The following FRMPD1 variants were observed in gnomAD, a reference collection of about 807,000 sequenced individuals.
FRMPD1 encodes FERM and PDZ domain-containing protein 1.
A neutral mutation model predicts 117.8 loss-of-function variants in FRMPD1; 76 were observed. The ratio of observed to expected loss-of-function variants is 0.65; its 90% CI spans 0.54 to 0.78. FRMPD1 has a LOEUF of 0.78. FRMPD1 is among the 30% of genes least tolerant of loss of function. The pLI is 0.00. For missense variants in FRMPD1, 1,786 were observed against 1,964.5 expected, an observed-to-expected ratio of 0.91 and a Z score of 1.72; for synonymous variants, 783 against 770.4, an observed-to-expected ratio of 1.02 and a Z score of -0.27.
chr9:37,736,512 C>T (rs1220041392), intron 13 of FRMPD1, among the ~76,000 whole-genome samples: 1 of 126,428 alleles, frequency 7.9e-6, no homozygotes, highest in East Asian at 2.3e-4. Context: ...AGCCTGGTGA[C>T]AAGAGCAAAA....
intron 5 of FRMPD1, among the ~76,000 whole-genome samples, chr9:37,714,615 ATTTTATTTTG>A (rs542488384): frequency 0.097 from 10,359 of 107,278 alleles, 732 homozygotes; most frequent in African/African-American, 0.24. Context: ...ATTTTATTTT[ATTTTATTTTG>A]TTTTGTTTTA....
At chr9:37,622,929 C>A in the FRMPD1 span, among the ~76,000 whole-genome samples, 338 of 150,602 alleles carry the variant, frequency 2.2e-3, 2 homozygotes, top group African/African-American at 7.7e-3. Flanking sequence ...AAAAAAAAAA[C>A]AAAGAGAGAT....
At chr9:37,615,573 T>C in the FRMPD1 span, among the ~76,000 whole-genome samples, 1 of 152,242 alleles carries the variant, frequency 6.6e-6, no homozygotes. Flanking sequence ...TATGTGTTGA[T>C]GTCCTATTTT....
At chr9:37,631,242 T>C in the FRMPD1 span, among the ~76,000 whole-genome samples, 2 of 152,136 alleles carry the variant, frequency 1.3e-5, no homozygotes, top group Admixed American at 6.5e-5. Context: ...AACTAAAAAA[T>C]AATAAAAAAG....
In FRMPD1 at chr9:37,724,206, A is replaced by C; in HGVS notation, c.517-19A>C. On this transcript the variant is annotated intron_variant, in intron 6 of 15. Coordinates refer to ENST00000377765, the MANE Select transcript of FRMPD1 (RefSeq NM_014907.3). ...AATAAAAAAAGACAGGGATACAACAATACTCTTGTGTTTTCCAGGGTAATT... is the reference window on the plus strand; with the variant it reads ...AATAAAAAAAGACAGGGATACAACACTACTCTTGTGTTTTCCAGGGTAATT... The C allele has an allele frequency of 7.5e-7, 1 of 1,333,058 alleles. No individual in the cohort carries two copies. The highest frequency in any genetic ancestry group is 1.1e-6 in the Non-Finnish European group (1 of 923,762). 82.6% of individuals were successfully genotyped at this position (1,333,058 alleles called of 1,614,324 possible). A position where few individuals can be genotyped will look rare whatever the true frequency, so the allele number is the denominator to read the frequency against.
rs1823779154 is a variant in FRMPD1, at chr9:37,729,720, C to T, written c.613-8C>T. On this transcript the variant is annotated splice_polypyrimidine_tract_variant and splice_region_variant and intron_variant, in intron 7 of 15. Coordinates refer to ENST00000377765, the MANE Select transcript of FRMPD1 (RefSeq NM_014907.3). ...TGCGTAACTCCTGCACCTCTCTGTG[C>T]CTGCTAGGACATCATCCTCACCGTG... 1 of 1,613,312 alleles carries T rather than the reference C, an allele frequency of 6.2e-7. No individual in the cohort carries two copies.
At chr9:37,622,320 G>A in the FRMPD1 span, among the ~76,000 whole-genome samples, 11 of 152,120 alleles carry the variant, frequency 7.2e-5, no homozygotes, top group African/African-American at 2.7e-4. Flanking sequence ...TTTAATAGCC[G>A]CAATGAATTA....
chr9:37,740,679 C>G lies in FRMPD1; in HGVS notation c.2151C>G (p.Ser717Arg). The G allele has an allele frequency of 6.2e-7, 1 of 1,614,186 alleles. No homozygotes were observed. The highest frequency in any genetic ancestry group is 8.5e-7 in the Non-Finnish European group (1 of 1,180,016). Residue 717 changes from serine to arginine, a missense_variant, in exon 15 of 16, where the codon AGC (serine) becomes AGG (arginine). Ser to Arg is a moderately radical substitution (Grantham distance 110). Transcript: ENST00000377765. This position sits in a 1 kb window ranked among gnomAD's most constrained non-coding sequence, Gnocchi z 4.2. ...TGTGTTCCAGTGTCTCCCCGGCCAG[C>G]TACCTGAGTGACAGTTCCGAGAGTA... is the stretch of plus-strand genomic sequence containing the variant. ...YSLCSSVSPASYLSDSSESTA... is the reference protein window; with the variant it reads ...YSLCSSVSPARYLSDSSESTA...
chr9:37,736,600 A>T (rs900433236), intron 13 of FRMPD1, among the ~76,000 whole-genome samples: 3 of 150,654 alleles, frequency 2.0e-5, no homozygotes, highest in African/African-American at 7.3e-5. Context: ...TCTTACTTTT[A>T]TTCTGCCCTC....
intron 10 of FRMPD1, 106 bp from the exon 11 acceptor site, chr9:37,733,367 C>A: frequency 9.4e-7 from 1 of 1,064,404 alleles, no homozygotes; most frequent in Non-Finnish European, 1.4e-6. Flanking sequence ...CTCGTAATTG[C>A]TGTATTATGG....
chr9:37,639,877 T>G, the FRMPD1 span, among the ~76,000 whole-genome samples: 3 of 152,290 alleles, frequency 2.0e-5, no homozygotes, highest in South Asian at 6.2e-4. Context: ...CCCAGGCTGG[T>G]CCTGGACTCC....
the FRMPD1 span, among the ~76,000 whole-genome samples, chr9:37,609,240 C>A: frequency 6.6e-6 from 1 of 152,070 alleles, no homozygotes; most frequent in Non-Finnish European, 1.5e-5. Flanking sequence ...TGCGGTGAAC[C>A]CAGATCACGC....
chr9:37,680,495 G>A (rs1347608822), intron 1 of FRMPD1, among the ~76,000 whole-genome samples: 7 of 152,170 alleles, frequency 4.6e-5, no homozygotes, highest in East Asian at 3.8e-4. Context: ...TCTGTTTTAC[G>A]CAGACCATGT....
chr9:37,710,383 A>G (rs537368020), intron 4 of FRMPD1, among the ~76,000 whole-genome samples: 1 of 152,290 alleles, frequency 6.6e-6, no homozygotes, highest in South Asian at 2.1e-4. Flanking sequence ...GGAAAATATG[A>G]TCGATTTTCT....
intron 1 of FRMPD1, among the ~76,000 whole-genome samples, chr9:37,656,695 T>G (rs1490707165): frequency 5.1e-5 from 3 of 58,274 alleles, no homozygotes; most frequent in Non-Finnish European, 8.3e-5. Flanking sequence ...AATCTGAGAC[T>G]TTTTTTTTTT....
At chr9:37,707,661 A>C (rs780731457) in intron 3 of FRMPD1, 88 bp downstream of exon 3, 2 of 1,082,280 alleles carry the variant, frequency 1.8e-6, no homozygotes, top group Non-Finnish European at 2.7e-6. Flanking sequence ...TCCTATAACA[A>C]AATGCAGAAA....
chr9:37,682,656 C>T (rs537895866), intron 1 of FRMPD1, among the ~76,000 whole-genome samples: 144 of 152,234 alleles, frequency 9.5e-4, no homozygotes, highest in Non-Finnish European at 1.5e-3. Flanking sequence ...TTGGGCCCTA[C>T]CCTAGACCTC....
rs774701697 is a variant in FRMPD1 at position 37,746,791 on chromosome 9, C to CTCCTGCCCTG, written c.*30_*39dup. Reference sequence around the variant, plus strand: ...GTAAACAGGTCAACGGCCCAAGGGCCTCCTGCCCTGTCCTGCCTTGGACAC... The same window carrying CTCCTGCCCTG: ...GTAAACAGGTCAACGGCCCAAGGGCCTCCTGCCCTGTCCTGCCCTGTCCTGCCTTGGACAC... On this transcript the variant is annotated 3_prime_UTR_variant, in exon 16 of 16. Coordinates refer to ENST00000377765, the MANE Select transcript of FRMPD1 (RefSeq NM_014907.3). The CTCCTGCCCTG allele has an allele frequency of 1.3e-5, 20 of 1,563,810 alleles. No homozygotes were observed. In the African/African-American group the frequency reaches 2.4e-4, roughly 19 times the overall value.
chr9:37,700,850 T>A (rs889211940), intron 2 of FRMPD1, among the ~76,000 whole-genome samples: 1 of 152,242 alleles, frequency 6.6e-6, no homozygotes, highest in African/African-American at 2.4e-5. Context: ...CATTTATGGT[T>A]TGAAACGATT....
Sources: allele counts gnomAD v4.1 joint callset (sites outside exome capture counted in the v4.1 genomes callset), GRCh38; gene constraint gnomAD v4.1.1; non-coding constraint Gnocchi (gnomAD v3.1); transcripts MANE v1.5; gene names NCBI Gene and HGNC (gene_info 2026-07-23, HGNC 2026-07-21).